SEMA6D: variants seen among roughly 807,000 people sequenced by gnomAD.
SEMA6D encodes semaphorin 6D, also known as semaphorin-6D.
A neutral mutation model predicts 106.6 loss-of-function variants in SEMA6D; 35 were observed. The ratio of observed to expected loss-of-function variants is 0.33; its 90% confidence interval spans 0.25 to 0.44. The LOEUF (loss-of-function observed/expected upper bound fraction) is 0.44, where lower values mean the gene tolerates loss of function less well. Ranked by LOEUF, SEMA6D falls within the 20% of genes least tolerant of loss-of-function variation. The pLI is 1.00. For synonymous variants in SEMA6D, 499 were observed against 487.7 expected, an observed-to-expected ratio of 1.02 and a Z score of -0.31; for missense variants, 1,185 against 1,345.9, an observed-to-expected ratio of 0.88 and a Z score of 1.87.
intron 2 of SEMA6D, among the ~76,000 whole-genome samples, chr15:47,466,628 A>G (rs2042668063): frequency 6.6e-6 from 1 of 152,078 alleles, no homozygotes; most frequent in East Asian, 1.9e-4. Context: ...GGGAGTGCAC[A>G]TATCTCTTTA....
At chr15:47,763,202 C>A in intron 9 of SEMA6D, 98 bp downstream of exon 9, 2 of 914,772 alleles carry the variant, frequency 2.2e-6, no homozygotes, top group Non-Finnish European at 1.6e-6. Flanking sequence ...TGTTTTCCAG[C>A]TCTCAATTCA....
At chr15:47,766,921 A>G in intron 16 of SEMA6D, 116 bp from the exon 17 acceptor site, 1 of 638,670 alleles carries the variant, frequency 1.6e-6, no homozygotes, top group Non-Finnish European at 2.6e-6. Flanking sequence ...CCAGTAGGTT[A>G]ATATTTTTAA....
At chr15:47,755,697 T>C (rs2081683221) in intron 1 of SEMA6D, among the ~76,000 whole-genome samples, 1 of 152,006 alleles carries the variant, frequency 6.6e-6, no homozygotes, top group African/African-American at 2.4e-5. Flanking sequence ...CCTTTGGTTA[T>C]TTACTGGAAC....
At chr15:47,629,614 A>C (rs1013195427) in intron 4 of SEMA6D, among the ~76,000 whole-genome samples, 1 of 151,924 alleles carries the variant, frequency 6.6e-6, no homozygotes, top group Non-Finnish European at 1.5e-5. Flanking sequence ...ACTTTGAAAT[A>C]TATATAATAT....
chr15:47,637,400 T>G (rs1050747028), intron 4 of SEMA6D, among the ~76,000 whole-genome samples: 2 of 152,236 alleles, frequency 1.3e-5, no homozygotes, highest in Non-Finnish European at 2.9e-5. Context: ...CATCCACTAA[T>G]CTGACTATGT....
chr15:47,761,302 A>G lies in SEMA6D; in HGVS notation c.346-28A>G, dbSNP rs777244903. 7 of 1,609,966 alleles carry G rather than the reference A, an allele frequency of 4.3e-6. No individual in the cohort carries two copies. The East Asian group carries it at 1.6e-4, about 36-fold the overall frequency. ...CAGTGCCAGCATGTTCAAATGTCTA[A>G]TATTAATGTAACTACTACTTTCTTT... On this transcript the variant is annotated intron_variant, in intron 5 of 18. Coordinates refer to ENST00000536845, the MANE Select transcript of SEMA6D (RefSeq NM_001358351.3).
chr15:47,567,979 G>A (rs933597275), intron 3 of SEMA6D, among the ~76,000 whole-genome samples: 7 of 152,138 alleles, frequency 4.6e-5, no homozygotes, highest in Non-Finnish European at 8.8e-5. Context: ...TATGTCATTA[G>A]TAATAGAGAG....
chr15:47,406,738 G>A (rs968968371), intron 1 of SEMA6D, among the ~76,000 whole-genome samples: 9 of 142,814 alleles, frequency 6.3e-5, no homozygotes, highest in Non-Finnish European at 1.1e-4. Context: ...TTGTATACCC[G>A]AAGTTTCCTA....
At chr15:47,277,774 C>T (rs1037374227) in intron 1 of SEMA6D, among the ~76,000 whole-genome samples, 1 of 151,644 alleles carries the variant, frequency 6.6e-6, no homozygotes, top group Non-Finnish European at 1.5e-5. Context: ...CCCCACACCC[C>T]ACAACAGTCC....
intron 4 of SEMA6D, among the ~76,000 whole-genome samples, chr15:47,684,243 A>G (rs2078422751): frequency 1.3e-5 from 2 of 152,172 alleles, no homozygotes; most frequent in Admixed American, 6.5e-5. Flanking sequence ...AATGATTACA[A>G]TAATAAAAAA....
chr15:47,410,722 T>A (rs1302461787), intron 1 of SEMA6D, among the ~76,000 whole-genome samples: 1 of 152,118 alleles, frequency 6.6e-6, no homozygotes, highest in Non-Finnish European at 1.5e-5. Flanking sequence ...TCAGAATCTT[T>A]AGGAAGTAAG....
intron 3 of SEMA6D, among the ~76,000 whole-genome samples, chr15:47,542,051 G>T (rs1264651045): frequency 6.6e-6 from 1 of 152,140 alleles, no homozygotes; most frequent in Non-Finnish European, 1.5e-5. Flanking sequence ...CAAGAAACAT[G>T]AAGACATTGA....
At chr15:47,467,024 C>A (rs2042684418) in intron 2 of SEMA6D, among the ~76,000 whole-genome samples, 1 of 151,958 alleles carries the variant, frequency 6.6e-6, no homozygotes, top group Admixed American at 6.6e-5. Context: ...CTACTGCACC[C>A]AGCCTATTTT....
At chr15:47,451,623 C>T (rs1259809116) in intron 2 of SEMA6D, among the ~76,000 whole-genome samples, 5 of 151,992 alleles carry the variant, frequency 3.3e-5, no homozygotes, top group African/African-American at 1.2e-4. Context: ...AATCATTTTT[C>T]CCTCCTGGTC....
chr15:47,530,977 T>C (rs2044941010), intron 3 of SEMA6D, among the ~76,000 whole-genome samples: 1 of 152,254 alleles, frequency 6.6e-6, no homozygotes, highest in Admixed American at 6.5e-5. Flanking sequence ...TATTCAATAA[T>C]TGTTCATTAT....
At chr15:47,539,345 A>G (rs544406959) in intron 3 of SEMA6D, among the ~76,000 whole-genome samples, 31 of 152,248 alleles carry the variant, frequency 2.0e-4, no homozygotes, top group African/African-American at 7.2e-4. Flanking sequence ...TTATAATGTT[A>G]TATTAATGCA....
chr15:47,348,517 T>C (rs1321589138), intron 1 of SEMA6D, among the ~76,000 whole-genome samples: 5 of 152,076 alleles, frequency 3.3e-5, no homozygotes, highest in African/African-American at 1.2e-4. Flanking sequence ...CAAAATTTCT[T>C]GAGCACCCAC....
chr15:47,213,892 A>G (rs1464233998), intron 1 of SEMA6D, among the ~76,000 whole-genome samples: 1 of 152,080 alleles, frequency 6.6e-6, no homozygotes, highest in Non-Finnish European at 1.5e-5. Context: ...TTTTTATTTT[A>G]AGAAATTAAA....
chr15:47,286,779 T>C (rs1262847668), intron 1 of SEMA6D, among the ~76,000 whole-genome samples: 3 of 152,214 alleles, frequency 2.0e-5, no homozygotes, highest in Non-Finnish European at 4.4e-5. Context: ...GAATATCCTC[T>C]AGCTCTCAAT....
Sources: allele counts gnomAD v4.1 joint callset (sites outside exome capture counted in the v4.1 genomes callset), GRCh38; gene constraint gnomAD v4.1.1; transcripts MANE v1.5; gene names NCBI Gene and HGNC (gene_info 2026-07-23, HGNC 2026-07-21).